KIF1B: variants seen among roughly 807,000 people sequenced by gnomAD.
The protein encoded by KIF1B is kinesin-like protein KIF1B.
Under a neutral mutation model 241.9 loss-of-function variants are expected in KIF1B, and 76 were observed. The ratio of observed to expected loss-of-function variants is 0.31; its 90% CI spans 0.26 to 0.38. The LOEUF is 0.38. Ranked by LOEUF, KIF1B falls within the 10% of genes least tolerant of loss-of-function variation. The pLI is 1.00. For missense variants in KIF1B, 1,622 were observed against 2,271.4 expected, an observed-to-expected ratio of 0.71 and a Z score of 5.81; for synonymous variants, 750 against 796.7, an observed-to-expected ratio of 0.94 and a Z score of 0.99.
chr1:10,308,482 A>C lies in KIF1B; in HGVS notation c.2115+11236A>C, dbSNP rs1053420208. 1.0e-4 allele frequency: 104 copies of C among 1,035,640 alleles called. 1 individual carries two copies. Among genetic ancestry groups the C allele is most frequent in the Non-Finnish European group, 1.2e-4 (100 of 860,438 alleles). 64.2% of individuals were successfully genotyped at this position (1,035,640 alleles called of 1,614,324 possible). On this transcript the variant is annotated intron_variant, in intron 22 of 48. Transcript: ENST00000676179. ...CTCTCAATTTCTTAAACAACAACAAAAAAATGCTTGAAGATTGTCTTTGAG... is the reference window on the plus strand; with the variant it reads ...CTCTCAATTTCTTAAACAACAACAACAAAATGCTTGAAGATTGTCTTTGAG...
At chr1:10,269,558 A>C (rs1351335666) in intron 7 of KIF1B, among the ~76,000 whole-genome samples, 3 of 150,238 alleles carry the variant, frequency 2.0e-5, no homozygotes, top group Non-Finnish European at 4.4e-5. Context: ...GGTGGCTCAC[A>C]CCTGTAATCC....
At chr1:10,222,534 C>G (rs915743314) in intron 1 of KIF1B, among the ~76,000 whole-genome samples, 56 of 152,180 alleles carry the variant, frequency 3.7e-4, no homozygotes, top group African/African-American at 1.2e-3. Flanking sequence ...CAAACACAAA[C>G]CAACCAAAAA....
intron 44 of KIF1B, among the ~76,000 whole-genome samples, chr1:10,369,674 T>G (rs1303114998): frequency 6.6e-6 from 1 of 152,224 alleles, no homozygotes; most frequent in Non-Finnish European, 1.5e-5. Flanking sequence ...GGCTCATGCC[T>G]GTAATCCCAA....
intron 1 of KIF1B, among the ~76,000 whole-genome samples, chr1:10,213,809 T>A (rs1449530881): frequency 6.6e-6 from 1 of 152,090 alleles, no homozygotes; most frequent in East Asian, 1.9e-4. Context: ...GAAGAGAAAT[T>A]AAACAGATGT....
chr1:10,297,362 T>G, intron 22 of KIF1B, 116 bp downstream of exon 22: 1 of 883,790 alleles, frequency 1.1e-6, no homozygotes. Context: ...TACCAAGCAC[T>G]ATTCTTTAAT....
intron 2 of KIF1B, among the ~76,000 whole-genome samples, chr1:10,250,403 A>G (rs921517908): frequency 3.1e-4 from 47 of 151,226 alleles, no homozygotes; most frequent in African/African-American, 1.0e-3. Flanking sequence ...CAGTGGTGCA[A>G]TCTCAGGTCA....
rs529856493 is a variant in KIF1B, at chr1:10,295,283, A to C, written c.1670+118A>C. On this transcript the variant is annotated intron_variant, in intron 18 of 48. Coordinates refer to ENST00000676179, the MANE Select transcript of KIF1B (RefSeq NM_001365951.3). ...ATGATTTGCTGTATTTTTTGTCTGAAATAGTTACAAACTATGCTCTCTTTC... is the reference window on the plus strand; with the variant it reads ...ATGATTTGCTGTATTTTTTGTCTGACATAGTTACAAACTATGCTCTCTTTC... 2,885 of 735,174 alleles carry C rather than the reference A, an allele frequency of 3.9e-3. 10 individuals are homozygous for C. Among genetic ancestry groups the C allele is most frequent in the Non-Finnish European group, 5.4e-3 (2,206 of 410,518 alleles). The allele number at this position is 735,174 out of a possible 1,614,324, so 45.5% of individuals were successfully genotyped here. A position where few individuals can be genotyped will look rare whatever the true frequency, so the allele number is the denominator to read the frequency against.
rs947244694 is a variant in KIF1B at position 10,361,542 on chromosome 1, T to C, written c.4171-150T>C. On this transcript the variant is annotated intron_variant, in intron 39 of 48. Transcript: ENST00000676179. ...GGAGTACTACCTACTCTTGCACATA[T>C]TATCCATTGGGTGGCTGTTGAAATA... 30 of 857,580 alleles carry C rather than the reference T, an allele frequency of 3.5e-5. No individual in the cohort carries two copies. In the Admixed American group the frequency reaches 5.2e-4, roughly 15 times the overall value. The allele number at this position is 857,580 out of a possible 1,614,324, so 53.1% of individuals were successfully genotyped here.
chr1:10,360,047 AT>A (rs1476436830), intron 38 of KIF1B, among the ~76,000 whole-genome samples: 7 of 151,354 alleles, frequency 4.6e-5, no homozygotes, highest in African/African-American at 1.7e-4. Flanking sequence ...ATAAAATAAA[AT>A]AAAAAAATAA....
chr1:10,367,769 G>T (rs750215804), intron 43 of KIF1B, among the ~76,000 whole-genome samples: 1 of 151,268 alleles, frequency 6.6e-6, no homozygotes, highest in Non-Finnish European at 1.5e-5. Context: ...TTACTCTGCT[G>T]CCAGGCTAGA....
intron 14 of KIF1B, among the ~76,000 whole-genome samples, chr1:10,281,762 T>G (rs1649416756): frequency 6.6e-6 from 1 of 152,230 alleles, no homozygotes; most frequent in Non-Finnish European, 1.5e-5. Flanking sequence ...TTTTAGCATG[T>G]TGAAATGTTG....
At chr1:10,258,432 A>T in intron 3 of KIF1B, 61 bp from the exon 4 acceptor site, 1 of 1,528,918 alleles carries the variant, frequency 6.5e-7, no homozygotes, top group Non-Finnish European at 9.0e-7. Context: ...GGAAGCAATC[A>T]AGTAAGTATA....
chr1:10,356,154 T>A (rs1182638699), intron 38 of KIF1B, among the ~76,000 whole-genome samples: 2 of 151,798 alleles, frequency 1.3e-5, no homozygotes, highest in Non-Finnish European at 2.9e-5. Flanking sequence ...GATCACGAGG[T>A]CAGGAGTTCA....
intron 1 of KIF1B, among the ~76,000 whole-genome samples, chr1:10,225,702 A>G (rs1646900495): frequency 6.6e-6 from 1 of 152,176 alleles, no homozygotes; most frequent in Admixed American, 6.6e-5. Flanking sequence ...AGGGGCAGAA[A>G]AACTTGGGAT....
At chr1:10,339,635 G>C (rs1369632844) in intron 31 of KIF1B, 134 bp from the exon 32 acceptor site, 1 of 767,146 alleles carries the variant, frequency 1.3e-6, no homozygotes, top group Non-Finnish European at 2.2e-6. Flanking sequence ...TTCTTGACAA[G>C]GAAAGTAAAT....
At chr1:10,236,442 C>A (rs576819442) in intron 2 of KIF1B, among the ~76,000 whole-genome samples, 2 of 152,178 alleles carry the variant, frequency 1.3e-5, no homozygotes, top group African/African-American at 4.8e-5. Context: ...TGTACAATTT[C>A]GGCAGGAGTA....
chr1:10,372,317 T>G (rs1638753075), intron 45 of KIF1B, among the ~76,000 whole-genome samples: 2 of 152,066 alleles, frequency 1.3e-5, no homozygotes, highest in Admixed American at 1.3e-4. Context: ...GGAGGATTGC[T>G]TCAGCCCACA....
intron 31 of KIF1B, among the ~76,000 whole-genome samples, chr1:10,338,829 G>A (rs540859052): frequency 3.3e-5 from 5 of 152,218 alleles, no homozygotes; most frequent in South Asian, 2.1e-4. Flanking sequence ...GGAATGCTGC[G>A]GTGCCAGCAA....
chr1:10,256,060 C>T (rs1467359489), intron 2 of KIF1B, among the ~76,000 whole-genome samples, 187 bp from the exon 3 acceptor site: 3 of 151,780 alleles, frequency 2.0e-5, no homozygotes, highest in African/African-American at 4.8e-5. Context: ...CCACCCAGCT[C>T]GGACTCTCAA....
Sources: gnomAD v4.1 joint callset for allele counts (sites outside exome capture counted in the v4.1 genomes callset) on GRCh38, gnomAD v4.1.1 for gene constraint, MANE v1.5 for transcripts, NCBI Gene and HGNC (gene_info 2026-07-23, HGNC 2026-07-21) for gene names.